Variants in PPP4R2 observed in about 807,000 individuals in gnomAD.
PPP4R2 encodes the protein protein phosphatase 4 regulatory subunit 2, also known as serine/threonine-protein phosphatase 4 regulatory subunit 2.
PPP4R2 carries 13 observed loss-of-function variants against 47.2 expected under a neutral mutation model. The ratio of observed to expected loss-of-function variants is 0.28; its 90% CI spans 0.18 to 0.44. The LOEUF is 0.44. Ranked by LOEUF, PPP4R2 falls within the 20% of genes least tolerant of loss-of-function variation. The pLI, the probability that PPP4R2 is intolerant of heterozygous loss-of-function variation, is 1.00. For synonymous variants in PPP4R2, 151 were observed against 163.3 expected (o/e 0.92, Z 0.57); for missense variants, 421 against 491.2 (o/e 0.86, Z 1.35).
intron 2 of PPP4R2, among the ~76,000 whole-genome samples, chr3:73,041,080 A>G (rs1001911910): frequency 1.3e-5 from 2 of 152,320 alleles, no homozygotes; most frequent in South Asian, 2.1e-4. Context: ...GAAAAAACAC[A>G]TTATTTAGTT....
intron 2 of PPP4R2, among the ~76,000 whole-genome samples, chr3:73,019,040 G>A (rs529099472): frequency 6.6e-6 from 1 of 152,224 alleles, no homozygotes; most frequent in African/African-American, 2.4e-5. Context: ...ACCATATAAT[G>A]ACATTTTAGT....
chr3:73,013,040 G>A (rs1701755469), intron 2 of PPP4R2, among the ~76,000 whole-genome samples: 1 of 150,174 alleles, frequency 6.7e-6, no homozygotes, highest in Non-Finnish European at 1.5e-5. Flanking sequence ...TTCTAGTCTT[G>A]CCCTGCCTGC....
chr3:73,038,415 A>C (rs1320957230), intron 2 of PPP4R2, among the ~76,000 whole-genome samples: 1 of 151,150 alleles, frequency 6.6e-6, no homozygotes, highest in Admixed American at 6.6e-5. Context: ...TCACTCTGTC[A>C]CCCAGTGGAG....
chr3:73,038,012 G>A (rs1364143840), intron 2 of PPP4R2, among the ~76,000 whole-genome samples: 1 of 152,120 alleles, frequency 6.6e-6, no homozygotes, highest in Non-Finnish European at 1.5e-5. Flanking sequence ...GGGCTGAGTT[G>A]GTAGAATGAA....
chr3:73,019,166 G>T (rs147995171), intron 2 of PPP4R2, among the ~76,000 whole-genome samples: 1,538 of 152,164 alleles, frequency 0.01, 16 homozygotes, highest in Non-Finnish European at 0.016. Context: ...TTACAGGTTT[G>T]CAGGCTAGGA....
At chr3:73,057,563 G>A (rs920971488) in intron 3 of PPP4R2, among the ~76,000 whole-genome samples, 4 of 152,062 alleles carry the variant, frequency 2.6e-5, no homozygotes, top group Non-Finnish European at 5.9e-5. Flanking sequence ...TCGATTTTAG[G>A]TTTGAGACAA....
chr3:73,001,132 A>T (rs1448862375), intron 2 of PPP4R2, among the ~76,000 whole-genome samples: 1 of 152,150 alleles, frequency 6.6e-6, no homozygotes, highest in East Asian at 1.9e-4. Flanking sequence ...GGGAAATGGC[A>T]TTTCAAGACT....
intron 3 of PPP4R2, among the ~76,000 whole-genome samples, chr3:73,053,416 T>G (rs1009371013): frequency 6.6e-6 from 1 of 152,200 alleles, no homozygotes; most frequent in Non-Finnish European, 1.5e-5. Flanking sequence ...ACTTAAAAAT[T>G]GAAATTAACA....
chr3:73,066,239 C>CACATATATATAT lies in PPP4R2; in HGVS notation c.*518_*519insCATATATATATA. ...TGGAACTTTAAGTCATATATACATA[C>CACATATATATAT]ATATATATATATATATATATATAAT... is the stretch of plus-strand genomic sequence containing the variant. On this transcript the variant is annotated 3_prime_UTR_variant, in exon 9 of 9. Transcript: ENST00000356692. 1.5e-5 allele frequency: 2 copies of CACATATATATAT among 134,116 alleles called. No homozygotes were observed. The highest frequency in any genetic ancestry group is 4.9e-4 in the South Asian group (2 of 4,084). The allele number at this position is 134,116 out of a possible 1,614,324, so 8.3% of individuals were successfully genotyped here.
chr3:73,003,841 G>A (rs1158783773), intron 2 of PPP4R2, among the ~76,000 whole-genome samples: 1 of 152,066 alleles, frequency 6.6e-6, no homozygotes, highest in African/African-American at 2.4e-5. Context: ...TGGGATTACA[G>A]GTGCATGCCA....
intron 2 of PPP4R2, among the ~76,000 whole-genome samples, chr3:73,045,746 C>G (rs758784643): frequency 6.6e-6 from 1 of 151,990 alleles, no homozygotes; most frequent in East Asian, 1.9e-4. Flanking sequence ...AGGCTGATCT[C>G]GAACTCCTGA....
At chr3:73,058,517 A>T (rs1052365874) in intron 3 of PPP4R2, among the ~76,000 whole-genome samples, 1 of 151,448 alleles carries the variant, frequency 6.6e-6, no homozygotes, top group African/African-American at 2.4e-5. Context: ...TTTTTTTTTA[A>T]AAAAGAATTT....
At chr3:73,003,427 G>A (rs1303870524) in intron 2 of PPP4R2, among the ~76,000 whole-genome samples, 2 of 152,076 alleles carry the variant, frequency 1.3e-5, no homozygotes, top group African/African-American at 2.4e-5. Context: ...TGAACAGGCT[G>A]TTCTCGAACT....
At chr3:73,021,826 C>T (rs1701964466) in intron 2 of PPP4R2, among the ~76,000 whole-genome samples, 1 of 149,432 alleles carries the variant, frequency 6.7e-6, no homozygotes. Context: ...ATTACTTTAA[C>T]AGTGAAGTAT....
intron 2 of PPP4R2, among the ~76,000 whole-genome samples, chr3:73,046,606 G>A (rs1272602469): frequency 6.6e-6 from 1 of 151,842 alleles, no homozygotes; most frequent in Non-Finnish European, 1.5e-5. Flanking sequence ...TATTGTGCAA[G>A]TACTGGTTGG....
At position 73,033,424 on chromosome 3, in the gene PPP4R2, C is replaced by T. The variant is rs897401974; in HGVS notation, c.117-13762C>T. Among the ~76,000 whole-genome samples, 5 of 152,248 alleles carry T rather than the reference C, an allele frequency of 3.3e-5. No homozygotes were observed. In the East Asian group the frequency reaches 9.7e-4, roughly 29 times the overall value. ...GCTTTGCTGTGAGACTATTTGTCAA[C>T]TCTTGTGTTGGTCACTCTTCAGCAA... On this transcript the variant is annotated intron_variant, in intron 2 of 8. Coordinates refer to ENST00000356692, the MANE Select transcript of PPP4R2 (RefSeq NM_174907.4).
chr3:73,065,043 A>T lies in PPP4R2; in HGVS notation c.830A>T (p.Glu277Val). 1 of 1,613,996 alleles carries T rather than the reference A, an allele frequency of 6.2e-7. No individual in the cohort carries two copies. Among genetic ancestry groups the T allele is most frequent in the Non-Finnish European group, 8.5e-7 (1 of 1,179,896 alleles). Residue 277 changes from glutamate (E) to valine (V), a missense_variant, in exon 8 of 9, where the codon GAA becomes GTA. By Grantham distance (121) the Glu-to-Val change is moderately radical. Transcript: ENST00000356692. Reference sequence around the variant, plus strand: ...TCTTCAGTTATGGTAGGAGAAACAGAAGCATCATCTTCATCTCAGGATAAA... The same window carrying T: ...TCTTCAGTTATGGTAGGAGAAACAGTAGCATCATCTTCATCTCAGGATAAA... Reference protein sequence around the residue: ...EISSVMVGETEASSSSQDKDK... With the variant: ...EISSVMVGETVASSSSQDKDK...
At chr3:73,026,720 A>G (rs1385216299) in intron 2 of PPP4R2, among the ~76,000 whole-genome samples, 1 of 152,118 alleles carries the variant, frequency 6.6e-6, no homozygotes, top group Non-Finnish European at 1.5e-5. Context: ...TAAAAAAAGC[A>G]CATCAGCTAT....
rs72246096 is a variant in PPP4R2, at chr3:73,022,768, CTTT to C, written c.117-24402_117-24400del. Among the ~76,000 whole-genome samples, 62 of 136,984 alleles carry C rather than the reference CTTT, an allele frequency of 4.5e-4. 1 individual carries two copies. The highest frequency in any genetic ancestry group is 4.1e-3 in the East Asian group (19 of 4,690). 89.9% of individuals were successfully genotyped at this position (136,984 alleles called of 152,430 possible). ...CCTAGAATTGCAGCTTGCCGCATTT[CTTT>C]TTTTTTTTTTTTTTTAAACAATGCA... On this transcript the variant is annotated intron_variant, in intron 2 of 8. Coordinates refer to ENST00000356692, the MANE Select transcript of PPP4R2 (RefSeq NM_174907.4).
Sources: gnomAD v4.1 joint callset for allele counts (sites outside exome capture counted in the v4.1 genomes callset) on GRCh38, gnomAD v4.1.1 for gene constraint, MANE v1.5 for transcripts, NCBI Gene and HGNC (gene_info 2026-07-23, HGNC 2026-07-21) for gene names.